The following DDX10 variants were observed in gnomAD, a reference collection of about 807,000 sequenced individuals.
DDX10 encodes the protein probable ATP-dependent RNA helicase DDX10.
A neutral mutation model predicts 104.3 loss-of-function variants in DDX10; 74 were observed. The ratio of observed to expected loss-of-function variants is 0.71; its 90% CI spans 0.59 to 0.86. The LOEUF is 0.86. Among genes scored for constraint, DDX10 ranks in the 40% least tolerant of loss-of-function variants. DDX10 has a pLI of 0.00. For synonymous variants in DDX10, 351 were observed against 353.4 expected (o/e 0.99, Z 0.08); for missense variants, 952 against 1,040.0 (o/e 0.92, Z 1.16).
At chr11:108,884,235 C>A (rs1419251176) in intron 16 of DDX10, among the ~76,000 whole-genome samples, 1 of 152,146 alleles carries the variant, frequency 6.6e-6, no homozygotes, top group East Asian at 1.9e-4. Context: ...CAGTACCTCT[C>A]CAAGTCTTCT....
chr11:108,815,207 T>C (rs1163376875), intron 13 of DDX10, among the ~76,000 whole-genome samples: 1 of 152,228 alleles, frequency 6.6e-6, no homozygotes, highest in East Asian at 1.9e-4. Flanking sequence ...GGGTCTTTTT[T>C]CCCTATGTAC....
In DDX10 at chr11:108,691,980, G is replaced by A. The variant is rs1408910007; in HGVS notation, c.1080G>A (p.Glu360=). 6.2e-7 allele frequency: 1 copy of A among 1,614,108 alleles called. No homozygotes were observed. The highest frequency in any genetic ancestry group is 1.7e-5 in the Admixed American group (1 of 60,012). Residue 360 remains glutamate, a synonymous_variant, in exon 8 of 18, where the codon GAG becomes GAA. Transcript: ENST00000322536. Reference sequence around the variant, plus strand: ...TGAGAAGAATGGAAGTCTATAATGAGTTTGTCCGTAAGAGAGCTGCAGTAC... The same window carrying A: ...TGAGAAGAATGGAAGTCTATAATGAATTTGTCCGTAAGAGAGCTGCAGTAC... ...QQMRRMEVYN[E]FVRKRAAVLF...
At chr11:108,873,416 C>T (rs1468445670) in intron 16 of DDX10, among the ~76,000 whole-genome samples, 9 of 152,116 alleles carry the variant, frequency 5.9e-5, no homozygotes, top group Non-Finnish European at 4.4e-5. Context: ...ACGTGTTATG[C>T]CTGATAGTTC....
chr11:108,936,297 A>G (rs1864036861), intron 17 of DDX10, among the ~76,000 whole-genome samples: 2 of 152,138 alleles, frequency 1.3e-5, no homozygotes, highest in Non-Finnish European at 2.9e-5. Context: ...TATTATTTGG[A>G]TTATTGAAAG....
intron 13 of DDX10, among the ~76,000 whole-genome samples, chr11:108,777,328 C>A (rs2094371212): frequency 6.6e-6 from 1 of 151,834 alleles, no homozygotes; most frequent in South Asian, 2.1e-4. Flanking sequence ...CTCTTTCTTT[C>A]TTTCTTTTTC....
chr11:108,913,224 A>T (rs1447387835), intron 16 of DDX10, among the ~76,000 whole-genome samples: 1 of 152,138 alleles, frequency 6.6e-6, no homozygotes, highest in Non-Finnish European at 1.5e-5. Flanking sequence ...GACGTGAGAC[A>T]TCAATCAGTA....
At chr11:108,936,301 T>A (rs1357447686) in intron 17 of DDX10, among the ~76,000 whole-genome samples, 8 of 152,222 alleles carry the variant, frequency 5.3e-5, no homozygotes, top group Non-Finnish European at 1.0e-4. Flanking sequence ...ATTTGGATTA[T>A]TGAAAGACTG....
intron 13 of DDX10, among the ~76,000 whole-genome samples, chr11:108,773,697 G>T (rs371770842): frequency 3.7e-4 from 57 of 152,088 alleles, no homozygotes; most frequent in African/African-American, 1.3e-3. Flanking sequence ...GTTGGCATTA[G>T]TCTATTTACA....
At chr11:108,729,864 A>G (rs1013235647) in intron 13 of DDX10, 70 of 152,240 alleles carry the variant, frequency 4.6e-4, no homozygotes, top group African/African-American at 1.6e-3. Context: ...TTCTTTAATG[A>G]TATCTCTTGT....
intron 1 of DDX10, among the ~76,000 whole-genome samples, chr11:108,669,435 A>T (rs1005267078): frequency 2.0e-5 from 3 of 152,152 alleles, no homozygotes; most frequent in Admixed American, 6.5e-5. Context: ...GATAGAAAAG[A>T]TTGGCAAGGA....
At chr11:108,679,310 T>C in intron 5 of DDX10, 61 bp from the exon 6 acceptor site, 1 of 1,372,634 alleles carries the variant, frequency 7.3e-7, no homozygotes, top group Non-Finnish European at 9.9e-7. Flanking sequence ...AGGATACCCA[T>C]TGCATTTAGC....
chr11:108,907,544 C>T (rs190122222), intron 16 of DDX10, among the ~76,000 whole-genome samples: 1 of 152,238 alleles, frequency 6.6e-6, no homozygotes, highest in East Asian at 1.9e-4. Context: ...CCATGTTGGC[C>T]AGGCTGGTCT....
intron 6 of DDX10, among the ~76,000 whole-genome samples, chr11:108,684,801 G>A (rs918655083): frequency 1.3e-5 from 2 of 148,886 alleles, no homozygotes; most frequent in African/African-American, 4.9e-5. Flanking sequence ...GGTTGAACTA[G>A]TTTACAGTCC....
At chr11:108,899,122 C>G (rs1863480447) in intron 16 of DDX10, among the ~76,000 whole-genome samples, 1 of 152,144 alleles carries the variant, frequency 6.6e-6, no homozygotes, top group South Asian at 2.1e-4. Context: ...TTTATTCTCA[C>G]TTTCTCACTT....
chr11:108,715,821 AT>A, intron 10 of DDX10, 57 bp from the exon 11 acceptor site: 2 of 860,054 alleles, frequency 2.3e-6, no homozygotes, highest in South Asian at 3.0e-5. Flanking sequence ...GCTGCTTACT[AT>A]TTTTAGTCTC....
intron 15 of DDX10, among the ~76,000 whole-genome samples, chr11:108,850,399 G>C (rs1343821229): frequency 6.6e-6 from 1 of 152,102 alleles, no homozygotes; most frequent in African/African-American, 2.4e-5. Context: ...GGTTATGTTT[G>C]CTTTAGTAGA....
intron 16 of DDX10, among the ~76,000 whole-genome samples, chr11:108,912,795 T>G (rs1863697247): frequency 6.6e-6 from 1 of 152,236 alleles, no homozygotes; most frequent in Non-Finnish European, 1.5e-5. Context: ...GAGTGTTTCC[T>G]CTGCCCTATT....
intron 8 of DDX10, among the ~76,000 whole-genome samples, chr11:108,692,657 T>A (rs1029404228): frequency 3.3e-5 from 5 of 152,206 alleles, no homozygotes; most frequent in Admixed American, 6.5e-5. Flanking sequence ...GCTGAATATG[T>A]TTAATCTACC....
intron 16 of DDX10, among the ~76,000 whole-genome samples, chr11:108,911,325 G>A (rs2134658055): frequency 6.6e-6 from 1 of 152,290 alleles, no homozygotes; most frequent in East Asian, 1.9e-4. Context: ...AACAACAGAA[G>A]TTAACTGCTT....
Sources: gnomAD v4.1 joint callset for allele counts (sites outside exome capture counted in the v4.1 genomes callset) on GRCh38, gnomAD v4.1.1 for gene constraint, MANE v1.5 for transcripts, NCBI Gene and HGNC (gene_info 2026-07-23, HGNC 2026-07-21) for gene names.